Variants in GSE1 observed in about 807,000 individuals in gnomAD.
The protein encoded by GSE1 is Gse1 coiled-coil protein.
A neutral mutation model predicts 112.6 loss-of-function variants in GSE1; 32 were observed. The observed-to-expected ratio is 0.28, with a 90% CI of 0.21 to 0.38. The LOEUF is 0.38. Ranked by LOEUF, GSE1 falls within the 10% of genes least tolerant of loss-of-function variation. GSE1 has a pLI of 1.00. For missense variants in GSE1, 2,348 were observed against 1,699.2 expected, an observed-to-expected ratio of 1.38 and a Z score of -6.71; for synonymous variants, 1,115 against 735.6, an observed-to-expected ratio of 1.52 and a Z score of -8.35.
At chr16:85,344,651 A>G (rs1382494789) in intron 1 of GSE1, among the ~76,000 whole-genome samples, 2 of 152,206 alleles carry the variant, frequency 1.3e-5, no homozygotes, top group African/African-American at 4.8e-5. Flanking sequence ...GGAGGCTGGC[A>G]CTGTCACTGT....
intron 1 of GSE1, among the ~76,000 whole-genome samples, chr16:85,345,837 C>T (rs146286894): frequency 1.9e-3 from 295 of 152,298 alleles, no homozygotes; most frequent in Middle Eastern, 3.4e-3. Flanking sequence ...TAAATGTTTA[C>T]TGGATGAATG....
At chr16:85,593,013 GA>G in intron 1 of GSE1, 1 of 152,442 alleles carries the variant, frequency 6.6e-6, no homozygotes, top group East Asian at 1.9e-4. Context: ...TTGGCTATTG[GA>G]GAGTGTCACC....
At chr16:85,392,837 G>T (rs1266731258) in intron 2 of GSE1, among the ~76,000 whole-genome samples, 1 of 152,250 alleles carries the variant, frequency 6.6e-6, no homozygotes, top group African/African-American at 2.4e-5. Flanking sequence ...TGGAGAGGCG[G>T]CTGGGGCCAG....
intron 12 of GSE1, among the ~76,000 whole-genome samples, chr16:85,665,357 A>T (rs967152872): frequency 6.6e-6 from 1 of 152,176 alleles, no homozygotes; most frequent in African/African-American, 2.4e-5. Context: ...GCTTCTGTGG[A>T]GCTCTACGTG....
chr16:85,619,887 G>A (rs1366401606), intron 1 of GSE1, among the ~76,000 whole-genome samples: 2 of 152,098 alleles, frequency 1.3e-5, no homozygotes, highest in Non-Finnish European at 1.5e-5. Flanking sequence ...TTAATTGGTA[G>A]AGGAGCAGAA....
chr16:85,255,512 A>C (rs145067554), intron 1 of GSE1, among the ~76,000 whole-genome samples: 1 of 151,556 alleles, frequency 6.6e-6, no homozygotes, highest in Non-Finnish European at 1.5e-5. Context: ...CCCGGGTTCA[A>C]GTGATTCTCC....
At chr16:85,374,370 G>T (rs2047370144) in intron 2 of GSE1, among the ~76,000 whole-genome samples, 1 of 151,728 alleles carries the variant, frequency 6.6e-6, no homozygotes, top group South Asian at 2.1e-4. Flanking sequence ...TGTGCAGTGT[G>T]TGTCATTGTG....
In GSE1 at chr16:85,661,669, C is replaced by T. The variant is rs746603653; in HGVS notation, c.2164C>T (p.Pro722Ser). The T allele has an allele frequency of 3.1e-6, 5 of 1,610,880 alleles. No individual in the cohort carries two copies. In the Admixed American group the frequency reaches 6.7e-5, roughly 22 times the overall value. Residue 722 changes from proline to serine, a missense_variant, in exon 9 of 16, where the codon CCT becomes TCT. Physicochemically the swap from Pro to Ser is moderately conservative, Grantham distance 74. Transcript: ENST00000253458. ...YRPPVPRAPD[P>S]AYIYDEFLQQ... Reference sequence around the variant, plus strand: ...GCCCCCAGTGCCACGGGCCCCCGACCCTGCCTACATCTATGATGAGTTCCT... The same window carrying T: ...GCCCCCAGTGCCACGGGCCCCCGACTCTGCCTACATCTATGATGAGTTCCT...
intron 2 of GSE1, among the ~76,000 whole-genome samples, chr16:85,449,839 G>A (rs534837542): frequency 8.3e-4 from 127 of 152,330 alleles, no homozygotes; most frequent in African/African-American, 3.0e-3. Flanking sequence ...CAAATCTGAT[G>A]ATGACAACAA....
At position 85,675,671 on chromosome 16, in the gene GSE1, T is replaced by C. The variant is rs1422267916; in HGVS notation, c.*3132T>C. On this transcript the variant is annotated 3_prime_UTR_variant, in exon 16 of 16. Transcript: ENST00000253458. The stretch of plus-strand genomic sequence containing the variant: ...TACTGCCAAATCTCAAAAGTTAAGC[T>C]GAATTTCACACCAGATCCTACCCCT... The C allele has an allele frequency of 6.6e-6, 1 of 152,266 alleles. No homozygotes were observed. The highest frequency in any genetic ancestry group is 1.5e-5 in the Non-Finnish European group (1 of 68,054). The allele number at this position is 152,266 out of a possible 1,614,324, so 9.4% of individuals were successfully genotyped here. A position where few individuals can be genotyped will look rare whatever the true frequency, so the allele number is the denominator to read the frequency against.
intron 2 of GSE1, among the ~76,000 whole-genome samples, chr16:85,375,086 A>C (rs1276050511): frequency 3.3e-5 from 5 of 152,156 alleles, no homozygotes; most frequent in African/African-American, 1.2e-4. Flanking sequence ...CCGGCCATCA[A>C]GGGGAGTCAG....
intron 1 of GSE1, among the ~76,000 whole-genome samples, chr16:85,205,554 A>AC (rs1211199561): frequency 6.6e-6 from 1 of 152,092 alleles, no homozygotes; most frequent in African/African-American, 2.4e-5. Flanking sequence ...TCACTGCCTT[A>AC]CTTTTTTTTT....
chr16:85,395,382 G>A (rs1344295963), intron 2 of GSE1, among the ~76,000 whole-genome samples: 1 of 152,178 alleles, frequency 6.6e-6, no homozygotes, highest in Non-Finnish European at 1.5e-5. Flanking sequence ...CCTCATGTGA[G>A]AAGGACCATA....
At chr16:85,568,211 T>G (rs1297902556) in intron 1 of GSE1, among the ~76,000 whole-genome samples, 1 of 152,240 alleles carries the variant, frequency 6.6e-6, no homozygotes, top group Non-Finnish European at 1.5e-5. Flanking sequence ...AGGTTCCATC[T>G]TCTTCCAGGG....
At chr16:85,649,637 C>A (rs1368919312) in intron 3 of GSE1, among the ~76,000 whole-genome samples, 1 of 152,116 alleles carries the variant, frequency 6.6e-6, no homozygotes, top group African/African-American at 2.4e-5. Context: ...CTCTCCCGGC[C>A]CCCCACCCCT....
intron 2 of GSE1, among the ~76,000 whole-genome samples, chr16:85,530,250 T>C (rs2044095342): frequency 6.6e-6 from 1 of 152,178 alleles, no homozygotes; most frequent in Admixed American, 6.5e-5. Flanking sequence ...AAATGGATTA[T>C]CCTGTTTGCC....
chr16:85,373,921 G>A lies in GSE1; in HGVS notation c.2464+16278G>A, dbSNP rs920810784. ...AGGCACCCGCCCGGCCTCCCTCCCC[G>A]CTCCCCGCAGGCCCTGTCAGGTCAG... On this transcript the variant is annotated intron_variant, in intron 2 of 2. Coordinates refer to the GSE1 transcript ENST00000637419. This position sits in a 1 kb window ranked among gnomAD's most constrained non-coding sequence, Gnocchi z 5.1. Among the ~76,000 whole-genome samples, 1 of 152,058 alleles carries A rather than the reference G, an allele frequency of 6.6e-6. No individual in the cohort carries two copies.
At position 85,666,137 on chromosome 16, in the gene GSE1, G is replaced by T; in HGVS notation, c.2920G>T (p.Ala974Ser). Residue 974 changes from alanine (A) to serine (S), a missense_variant, in exon 13 of 16, where the codon GCC (alanine) becomes TCC (serine). Physicochemically the swap from Ala to Ser is moderately conservative, Grantham distance 99. Coordinates refer to ENST00000253458, the MANE Select transcript of GSE1 (RefSeq NM_014615.5). Reference sequence around the variant, plus strand: ...GCTAGCTCCTGCCAGCGGGGAGAAGGCCAGGCTGAGCGAGGCCCCTGGAGG... The same window carrying T: ...GCTAGCTCCTGCCAGCGGGGAGAAGTCCAGGCTGAGCGAGGCCCCTGGAGG... The part of the protein sequence containing the change: ...QELAPASGEK[A>S]RLSEAPGGKK... 1.2e-6 allele frequency: 2 copies of T among 1,613,320 alleles called. No individual in the cohort carries two copies. The highest frequency in any genetic ancestry group is 1.7e-6 in the Non-Finnish European group (2 of 1,179,976).
intron 15 of GSE1, 119 bp from the exon 16 acceptor site, chr16:85,672,286 C>T (rs542618544): frequency 1.7e-5 from 13 of 749,278 alleles, no homozygotes; most frequent in South Asian, 5.2e-5. Flanking sequence ...TGAGCCACCA[C>T]GCCCGGCCGG....
Sources: allele counts gnomAD v4.1 joint callset (sites outside exome capture counted in the v4.1 genomes callset), GRCh38; gene constraint gnomAD v4.1.1; non-coding constraint Gnocchi (gnomAD v3.1); transcripts MANE v1.5; gene names NCBI Gene and HGNC (gene_info 2026-07-23, HGNC 2026-07-21).